The following MIPEP variants were observed in gnomAD, a reference collection of about 807,000 sequenced individuals.
MIPEP encodes mitochondrial intermediate peptidase.
In MIPEP, 79 loss-of-function variants were observed where a neutral mutation model predicts 90.3. The ratio of observed to expected loss-of-function variants is 0.87; its 90% CI spans 0.73 to 1.05. The LOEUF (loss-of-function observed/expected upper bound fraction) is 1.05. Ranked by LOEUF, MIPEP falls within the 50% of genes least tolerant of loss-of-function variation. MIPEP has a pLI of 0.00. For synonymous variants in MIPEP, 334 were observed against 315.8 expected (o/e 1.06, Z -0.61); for missense variants, 940 against 905.6 (o/e 1.04, Z -0.49).
chr13:23,752,244 C>A (rs1299639322), intron 18 of MIPEP, among the ~76,000 whole-genome samples: 1 of 152,160 alleles, frequency 6.6e-6, no homozygotes, highest in Non-Finnish European at 1.5e-5. Context: ...AAATAGTTTA[C>A]AGAGGGCAAT....
At position 23,822,093 on chromosome 13, in the gene MIPEP, G is replaced by GT. The variant is rs1222693327; in HGVS notation, c.1654-12170dup. Among the ~76,000 whole-genome samples, 14 of 152,164 alleles carry GT rather than the reference G, an allele frequency of 9.2e-5. 1 individual carries two copies. The highest frequency in any genetic ancestry group is 3.4e-4 in the African/African-American group (14 of 41,430). On this transcript the variant is annotated intron_variant, in intron 14 of 18. Transcript: ENST00000382172. Reference sequence around the variant, plus strand: ...AATAAATGGTGCCATTTGTACTACCGTAACAGTGGTATTTCAAAAGCAGAG... The same window carrying GT: ...AATAAATGGTGCCATTTGTACTACCGTTAACAGTGGTATTTCAAAAGCAGAG...
chr13:23,770,190 C>T (rs1283879740), intron 16 of MIPEP, among the ~76,000 whole-genome samples: 1 of 152,190 alleles, frequency 6.6e-6, no homozygotes, highest in African/African-American at 2.4e-5. Flanking sequence ...ATGGCTTCCT[C>T]AGACCATGTC....
At chr13:23,834,053 T>C (rs1868903265) in intron 14 of MIPEP, among the ~76,000 whole-genome samples, 3 of 152,166 alleles carry the variant, frequency 2.0e-5, no homozygotes, top group South Asian at 4.2e-4. Flanking sequence ...ACCAGCCGTG[T>C]ACTTGTCTGC....
chr13:23,798,774 C>T (rs1199109087), intron 16 of MIPEP, among the ~76,000 whole-genome samples: 1 of 152,102 alleles, frequency 6.6e-6, no homozygotes, highest in Non-Finnish European at 1.5e-5. Flanking sequence ...CACTCTCCCC[C>T]TTTGCCTTCT....
At chr13:23,826,816 A>G (rs913872141) in intron 14 of MIPEP, among the ~76,000 whole-genome samples, 4 of 152,318 alleles carry the variant, frequency 2.6e-5, no homozygotes, top group Admixed American at 2.6e-4. Flanking sequence ...AGGATAAACA[A>G]AGTTTGCATT....
intron 10 of MIPEP, among the ~76,000 whole-genome samples, chr13:23,854,023 C>T (rs1484476231): frequency 6.6e-6 from 1 of 151,840 alleles, no homozygotes; most frequent in African/African-American, 2.4e-5. Flanking sequence ...ATGAAGCAAA[C>T]ATAGAAAAAT....
chr13:23,882,560 G>A (rs1871313324), intron 2 of MIPEP, among the ~76,000 whole-genome samples: 1 of 152,122 alleles, frequency 6.6e-6, no homozygotes, highest in African/African-American at 2.4e-5. Flanking sequence ...ACATTAAAAT[G>A]AGTGACAGTT....
At chr13:23,875,638 G>A (rs1406904618) in intron 4 of MIPEP, among the ~76,000 whole-genome samples, 1 of 150,028 alleles carries the variant, frequency 6.7e-6, no homozygotes, top group Non-Finnish European at 1.5e-5. Context: ...TTTCAAAATA[G>A]ATATATTTAC....
chr13:23,804,849 G>A (rs1467824082), intron 16 of MIPEP, among the ~76,000 whole-genome samples: 2 of 152,120 alleles, frequency 1.3e-5, no homozygotes, highest in Admixed American at 1.3e-4. Context: ...CATTTATTCT[G>A]CTTTTTATAG....
At chr13:23,738,176 CAT>C (rs1181266700) in intron 18 of MIPEP, among the ~76,000 whole-genome samples, 1 of 152,088 alleles carries the variant, frequency 6.6e-6, no homozygotes, top group Non-Finnish European at 1.5e-5. Context: ...AAAGAAAAAA[CAT>C]GTTATTTATT....
chr13:23,870,823 A>G (rs1320329733), intron 5 of MIPEP, among the ~76,000 whole-genome samples: 4 of 151,724 alleles, frequency 2.6e-5, no homozygotes, highest in Non-Finnish European at 4.4e-5. Context: ...ACAAAAAACA[A>G]AAAAACAGTT....
In MIPEP at chr13:23,869,401, T is replaced by C. The variant is rs112960512; in HGVS notation, c.834A>G (p.Gln278=). 6.6e-5 allele frequency: 107 copies of C among 1,611,996 alleles called. No homozygotes were observed. The African/African-American group carries it at 9.3e-4, about 14-fold the overall frequency. The change falls in exon 7 of 19, where the codon CAA becomes CAG. Residue 278 remains glutamine (Q), a synonymous_variant. Transcript: ENST00000382172. ...TGAGCAATTCTTCTAAACATTTCAA[T>C]TGACCAGCATTGGGATAAAGAAAAA... The part of the protein sequence containing the change: ...YKIFLYPNAG[Q]LKCLEELLSS...
At chr13:23,857,902 T>C (rs542937826) in intron 10 of MIPEP, among the ~76,000 whole-genome samples, 2 of 152,274 alleles carry the variant, frequency 1.3e-5, no homozygotes, top group South Asian at 4.1e-4. Flanking sequence ...GCTTCAATAA[T>C]GCATAGTAAT....
chr13:23,832,023 C>G (rs1868793556), intron 14 of MIPEP, among the ~76,000 whole-genome samples: 1 of 152,146 alleles, frequency 6.6e-6, no homozygotes, highest in Non-Finnish European at 1.5e-5. Context: ...GAGTATCTGT[C>G]CCCTCCAAAA....
chr13:23,745,383 G>GGA (rs1952371149), intron 18 of MIPEP, among the ~76,000 whole-genome samples: 1 of 152,142 alleles, frequency 6.6e-6, no homozygotes, highest in African/African-American at 2.4e-5. Flanking sequence ...TGCTCTTTCA[G>GGA]GAAACAGTCC....
intron 18 of MIPEP, among the ~76,000 whole-genome samples, chr13:23,746,188 A>C (rs1490086237): frequency 6.6e-6 from 1 of 150,890 alleles, no homozygotes; most frequent in Non-Finnish European, 1.5e-5. Context: ...AAATTTCTGT[A>C]TTTTTAGTAC....
At chr13:23,847,501 C>T (rs1372258800) in intron 10 of MIPEP, among the ~76,000 whole-genome samples, 2 of 144,960 alleles carry the variant, frequency 1.4e-5, no homozygotes, top group Admixed American at 1.4e-4. Flanking sequence ...AAACTACAGA[C>T]ATCACGGATG....
Position 23,769,322 on chromosome 13 carries a change from CT to C in MIPEP, c.1849-9106del, listed in dbSNP as rs772994628. Among the ~76,000 whole-genome samples the C allele has an allele frequency of 3.9e-5, 6 of 152,260 alleles. No homozygotes were observed. In the East Asian group the frequency reaches 1.2e-3, roughly 29 times the overall value. On this transcript the variant is annotated intron_variant, in intron 16 of 18. Transcript: ENST00000382172. ...CCTGAGGCACACGACAAGAAGGGTT[CT>C]GTTTTTGTTTTCATGATAATCATAA...
intron 10 of MIPEP, among the ~76,000 whole-genome samples, chr13:23,851,820 A>G (rs142234253): frequency 1.3e-5 from 2 of 152,114 alleles, no homozygotes; most frequent in Non-Finnish European, 2.9e-5. Context: ...TGAGCCTCCA[A>G]GTCGCTGGGA....
Sources: allele counts gnomAD v4.1 joint callset (sites outside exome capture counted in the v4.1 genomes callset), GRCh38; gene constraint gnomAD v4.1.1; transcripts MANE v1.5; gene names NCBI Gene and HGNC (gene_info 2026-07-23, HGNC 2026-07-21).